The following ZNF536 variants were observed in gnomAD, a reference collection of about 807,000 sequenced individuals.
The protein encoded by ZNF536 is zinc finger protein 536.
Under a neutral mutation model 84.5 loss-of-function variants are expected in ZNF536, and 13 were observed. The ratio of observed to expected loss-of-function variants is 0.15; its 90% CI spans 0.10 to 0.24. ZNF536 has a LOEUF of 0.24. Ranked by LOEUF, ZNF536 falls within the 10% of genes least tolerant of loss-of-function variation. The probability of loss-of-function intolerance (pLI) is 1.00; values close to 1 mark genes in which losing one functional copy is unlikely to be tolerated. For synonymous variants in ZNF536, 811 were observed against 742.5 expected (o/e 1.09, Z -1.50); for missense variants, 1,536 against 1,747.5 (o/e 0.88, Z 2.16).
At chr19:30,298,770 G>T (rs189832484) in intron 2 of ZNF536, among the ~76,000 whole-genome samples, 1 of 152,346 alleles carries the variant, frequency 6.6e-6, no homozygotes, top group Non-Finnish European at 1.5e-5. Context: ...AGTGGGCCTG[G>T]AATTATAGTA....
Position 30,416,191 on chromosome 19 carries a change from T to C in ZNF536, c.-2-27370T>C, listed in dbSNP as rs1188172310. ...TTGTCTTTTCCTTCTCTGATGGCTC[T>C]ATTTCCAATCAGTCCTTTCTCTCTT... On this transcript the variant is annotated intron_variant, in intron 1 of 4. Coordinates refer to ENST00000355537, the MANE Select transcript of ZNF536 (RefSeq NM_014717.3). 3.1e-4 allele frequency among the ~76,000 whole-genome samples: 47 copies of C among 152,200 alleles called. 1 individual carries two copies. Among genetic ancestry groups the C allele is most frequent in the Admixed American group, 3.1e-3 (47 of 15,286 alleles).
At chr19:30,660,279 C>T (rs972157906) in intron 1 of ZNF536, among the ~76,000 whole-genome samples, 4 of 152,174 alleles carry the variant, frequency 2.6e-5, no homozygotes, top group African/African-American at 9.6e-5. Context: ...TTTACAAAAA[C>T]GACTGAGTGT....
chr19:30,646,924 T>TA (rs1649692540), intron 1 of ZNF536, among the ~76,000 whole-genome samples: 1 of 152,174 alleles, frequency 6.6e-6, no homozygotes, highest in Admixed American at 6.5e-5. Context: ...CTCCTTTTTT[T>TA]ATCCTAATCT....
downstream of ZNF536, among the ~76,000 whole-genome samples, chr19:30,560,370 C>T (rs8108956): frequency 6.4e-3 from 976 of 152,066 alleles, 5 homozygotes; most frequent in African/African-American, 0.022. Context: ...ATAACAAGCC[C>T]ACCTCCCCTG....
intron 1 of ZNF536, among the ~76,000 whole-genome samples, chr19:30,405,780 A>ATTTT (rs199547095): frequency 2.8e-5 from 4 of 141,640 alleles, no homozygotes; most frequent in African/African-American, 1.0e-4. Context: ...CACTGTTAAC[A>ATTTT]TTTTTTTTTT....
chr19:30,309,537 T>C (rs997136122), intron 2 of ZNF536, among the ~76,000 whole-genome samples: 2 of 152,236 alleles, frequency 1.3e-5, no homozygotes, highest in Admixed American at 1.3e-4. Flanking sequence ...AATCAATTTA[T>C]CTTTCCCTCT....
chr19:30,363,020 C>T (rs2048322642), intron 3 of ZNF536, among the ~76,000 whole-genome samples: 1 of 151,882 alleles, frequency 6.6e-6, no homozygotes, highest in Non-Finnish European at 1.5e-5. Context: ...GATTGTGCCA[C>T]TGCACTCCAG....
At chr19:30,680,114 C>T (rs1442620692) in intron 1 of ZNF536, among the ~76,000 whole-genome samples, 3 of 151,896 alleles carry the variant, frequency 2.0e-5, no homozygotes, top group Non-Finnish European at 4.4e-5. Context: ...GTCTGGAGGC[C>T]GGAGATGACA....
At chr19:30,365,881 A>G (rs1256099540) in intron 3 of ZNF536, among the ~76,000 whole-genome samples, 1 of 152,182 alleles carries the variant, frequency 6.6e-6, no homozygotes, top group Non-Finnish European at 1.5e-5. Flanking sequence ...TTTGCCAGTT[A>G]TATATTTTTC....
intron 3 of ZNF536, among the ~76,000 whole-genome samples, chr19:30,540,939 G>A (rs1402125517): frequency 5.3e-5 from 8 of 152,174 alleles, no homozygotes; most frequent in African/African-American, 2.4e-5. Context: ...TTGGCCCCAC[G>A]TGCTTGGGTT....
chr19:30,338,240 A>G lies in ZNF536; in HGVS notation c.-119-14128A>G, dbSNP rs184487180. 1.6e-3 allele frequency among the ~76,000 whole-genome samples: 248 copies of G among 151,866 alleles called. 3 individuals carry two copies. The highest frequency in any genetic ancestry group is 5.9e-3 in the African/African-American group (244 of 41,400). ...GATTATAACAATGTTAATGGTGATTATGACAATGATGATGATAAAGATGAT... is the reference window on the plus strand; with the variant it reads ...GATTATAACAATGTTAATGGTGATTGTGACAATGATGATGATAAAGATGAT... On this transcript the variant is annotated intron_variant, in intron 2 of 5. Transcript: ENST00000585628.
chr19:30,272,724 A>G (rs916511491), intron 1 of ZNF536, among the ~76,000 whole-genome samples: 1 of 152,150 alleles, frequency 6.6e-6, no homozygotes, highest in African/African-American at 2.4e-5. Flanking sequence ...AATTTTCTCC[A>G]TGTCTTTTCA....
intron 1 of ZNF536, among the ~76,000 whole-genome samples, chr19:30,439,684 C>A (rs2051923780): frequency 6.6e-6 from 1 of 152,150 alleles, no homozygotes. Context: ...GCAGGCTTCT[C>A]CCAGGCTTAT....
At chr19:30,584,008 C>A (rs2047010596) in intron 1 of ZNF536, among the ~76,000 whole-genome samples, 1 of 152,110 alleles carries the variant, frequency 6.6e-6, no homozygotes, top group African/African-American at 2.4e-5. Flanking sequence ...TTGGGGTTAC[C>A]AAGCCTTTTA....
intron 2 of ZNF536, among the ~76,000 whole-genome samples, chr19:30,448,834 T>C (rs1319219387): frequency 1.3e-5 from 2 of 152,322 alleles, no homozygotes; most frequent in Admixed American, 6.5e-5. Context: ...GGAGTGGCTG[T>C]TTAAAAATGT....
At chr19:30,310,863 C>T (rs917249764) in intron 2 of ZNF536, among the ~76,000 whole-genome samples, 2 of 152,184 alleles carry the variant, frequency 1.3e-5, no homozygotes, top group Non-Finnish European at 2.9e-5. Context: ...GGATAATGGG[C>T]CACAGGGACC....
rs2146248696 is a variant in ZNF536, at chr19:30,549,292, T to C, written c.3673T>C (p.Leu1225=). 2.5e-6 allele frequency: 4 copies of C among 1,613,530 alleles called. No individual in the cohort carries two copies. The highest frequency in any genetic ancestry group is 3.4e-6 in the Non-Finnish European group (4 of 1,179,912). ...GCCCGTCCAGGGACTGGTCTCACCTTTATCCCAAGCACCGGAGAAGCAGTG... is the reference window on the plus strand; with the variant it reads ...GCCCGTCCAGGGACTGGTCTCACCTCTATCCCAAGCACCGGAGAAGCAGTG... The part of the protein sequence containing the change: ...SQPVQGLVSP[L]SQAPEKQWHS... The change falls in exon 4 of 5, where the codon TTA becomes CTA. Residue 1225 remains leucine, a synonymous_variant. Transcript: ENST00000355537.
intron 2 of ZNF536, among the ~76,000 whole-genome samples, chr19:30,294,432 T>A (rs2145842955): frequency 6.6e-6 from 1 of 152,344 alleles, no homozygotes; most frequent in South Asian, 2.1e-4. Flanking sequence ...CTCAACAGAA[T>A]AATTTTTATT....
chr19:30,406,780 T>A (rs1314632899), intron 1 of ZNF536, among the ~76,000 whole-genome samples: 1 of 152,178 alleles, frequency 6.6e-6, no homozygotes, highest in Non-Finnish European at 1.5e-5. Flanking sequence ...GGTGTGCTCC[T>A]TTAAAGCAGG....
Sources: allele counts gnomAD v4.1 joint callset (sites outside exome capture counted in the v4.1 genomes callset), GRCh38; gene constraint gnomAD v4.1.1; transcripts MANE v1.5; gene names NCBI Gene and HGNC (gene_info 2026-07-23, HGNC 2026-07-21).